RORA: variants seen among roughly 807,000 people sequenced by gnomAD.
RORA encodes RAR related orphan receptor A, also known as nuclear receptor ROR-alpha.
In RORA, 7 loss-of-function variants were observed where a neutral mutation model predicts 69.5. That is an observed-to-expected ratio of 0.10 (90% CI 0.06 to 0.19). The LOEUF is 0.19. Ranked by LOEUF, RORA falls within the 10% of genes least tolerant of loss-of-function variation. The pLI is 1.00. For synonymous variants in RORA, 261 were observed against 240.8 expected (o/e 1.08, Z -0.78); for missense variants, 457 against 663.0 (o/e 0.69, Z 3.41).
chr15:60,548,509 T>G (rs2067138192), intron 2 of RORA, among the ~76,000 whole-genome samples: 1 of 152,198 alleles, frequency 6.6e-6, no homozygotes, highest in African/African-American at 2.4e-5. Flanking sequence ...TTTGCTAAAG[T>G]CAGCCAACAA....
intron 2 of RORA, among the ~76,000 whole-genome samples, chr15:60,597,884 T>C (rs2068732700): frequency 6.6e-6 from 1 of 151,414 alleles, no homozygotes; most frequent in Non-Finnish European, 1.5e-5. Context: ...TCGGGAACAC[T>C]TTCTTCCCTT....
chr15:60,685,770 G>A (rs1042070906), intron 1 of RORA, among the ~76,000 whole-genome samples: 3 of 152,126 alleles, frequency 2.0e-5, no homozygotes, highest in Non-Finnish European at 4.4e-5. Context: ...CAGGGACCAA[G>A]GACAACACGT....
At chr15:60,621,396 A>G (rs2069403585) in intron 2 of RORA, among the ~76,000 whole-genome samples, 1 of 152,132 alleles carries the variant, frequency 6.6e-6, no homozygotes, top group African/African-American at 2.4e-5. Flanking sequence ...AATTGTTGCT[A>G]TATAACATGA....
At chr15:60,935,740 T>C (rs1009077952) in intron 1 of RORA, among the ~76,000 whole-genome samples, 14 of 152,234 alleles carry the variant, frequency 9.2e-5, no homozygotes, top group African/African-American at 3.4e-4. Flanking sequence ...CAGACTCAAA[T>C]TGGCAGCTTC....
At chr15:60,539,144 T>G (rs1026114008) in intron 2 of RORA, among the ~76,000 whole-genome samples, 41 of 151,978 alleles carry the variant, frequency 2.7e-4, no homozygotes, top group Non-Finnish European at 4.6e-4. Context: ...TGTGTAAGAG[T>G]TAAAATACTG....
At chr15:60,758,761 G>GT (rs1362111502) in intron 1 of RORA, among the ~76,000 whole-genome samples, 1 of 152,166 alleles carries the variant, frequency 6.6e-6, no homozygotes, top group Non-Finnish European at 1.5e-5. Flanking sequence ...TCCCTGCAAA[G>GT]TCATCCTCAA....
intron 1 of RORA, among the ~76,000 whole-genome samples, chr15:61,211,190 G>C (rs553913905): frequency 6.6e-6 from 1 of 152,210 alleles, no homozygotes; most frequent in East Asian, 1.9e-4. Flanking sequence ...TTAACAAAAG[G>C]GGACTGTTTG....
chr15:60,812,237 C>G (rs2072754576), intron 1 of RORA, among the ~76,000 whole-genome samples: 1 of 152,170 alleles, frequency 6.6e-6, no homozygotes, highest in Admixed American at 6.5e-5. Flanking sequence ...GGTGCGGTGC[C>G]TCACACCTGT....
At chr15:60,701,191 T>G (rs376774271) in intron 1 of RORA, among the ~76,000 whole-genome samples, 1 of 152,238 alleles carries the variant, frequency 6.6e-6, no homozygotes, top group African/African-American at 2.4e-5. Context: ...GGACAATATC[T>G]TTTATCTCTT....
chr15:61,194,435 T>C (rs1037453080), intron 1 of RORA, among the ~76,000 whole-genome samples: 11 of 151,698 alleles, frequency 7.3e-5, no homozygotes, highest in Non-Finnish European at 1.2e-4. Flanking sequence ...TGGTGGTGCA[T>C]GCCTGTAATC....
At chr15:61,217,232 C>T (rs766293004) in intron 1 of RORA, among the ~76,000 whole-genome samples, 6 of 152,150 alleles carry the variant, frequency 3.9e-5, no homozygotes, top group African/African-American at 1.2e-4. Flanking sequence ...AAACTGTGGT[C>T]TTGATCTCCT....
chr15:60,540,574 C>CCCCACCCCCCCG (rs1555428642), intron 2 of RORA, among the ~76,000 whole-genome samples: 1 of 102,646 alleles, frequency 9.7e-6, no homozygotes, highest in Non-Finnish European at 1.9e-5. Flanking sequence ...ACCCCCCCCC[C>CCCCACCCCCCCG]CCAAAACTGT....
intron 1 of RORA, among the ~76,000 whole-genome samples, chr15:61,174,326 C>T (rs2140896646): frequency 6.6e-6 from 1 of 152,308 alleles, no homozygotes; most frequent in South Asian, 2.1e-4. Flanking sequence ...ACCCAGTAAG[C>T]TCTTTAAGAG....
intron 2 of RORA, among the ~76,000 whole-genome samples, chr15:60,557,593 T>G (rs1229507880): frequency 6.6e-6 from 1 of 152,216 alleles, no homozygotes; most frequent in Non-Finnish European, 1.5e-5. Flanking sequence ...GGTCCTCCAG[T>G]TGGTCAAGTC....
intron 1 of RORA, among the ~76,000 whole-genome samples, chr15:60,861,613 C>A (rs562550183): frequency 1.8e-4 from 28 of 152,290 alleles, no homozygotes; most frequent in African/African-American, 6.0e-4. Context: ...CTTAGCCTCA[C>A]GAGTACCTGA....
chr15:61,116,166 T>G (rs72739541), intron 1 of RORA, among the ~76,000 whole-genome samples: 4 of 152,254 alleles, frequency 2.6e-5, no homozygotes, highest in Non-Finnish European at 4.4e-5. Context: ...GCAGGGAGAC[T>G]AGCTATGAAA....
At chr15:60,976,896 C>T (rs759128536) in intron 1 of RORA, among the ~76,000 whole-genome samples, 12 of 152,114 alleles carry the variant, frequency 7.9e-5, no homozygotes, top group South Asian at 2.1e-4. Context: ...AATCCTCGCT[C>T]GCACACCAAG....
In RORA at chr15:61,178,705, A is replaced by G. The variant is rs551365409; in HGVS notation, c.166+50348T>C. On this transcript the variant is annotated intron_variant, in intron 1 of 10. Transcript: ENST00000335670. ...AACAAAAAATCATGCAATTCTTTCA[A>G]TATATACACAAATACTAAAAAGGAA... Among the ~76,000 whole-genome samples, 6 of 152,324 alleles carry G rather than the reference A, an allele frequency of 3.9e-5. No homozygotes were observed. The East Asian group carries it at 1.2e-3, about 29-fold the overall frequency.
At chr15:60,536,124 C>T (rs1014961372) in intron 2 of RORA, among the ~76,000 whole-genome samples, 5 of 152,158 alleles carry the variant, frequency 3.3e-5, no homozygotes, top group East Asian at 1.9e-4. Flanking sequence ...CCAATGTCAA[C>T]GTTTGACAGT....
Sources: gnomAD v4.1 joint callset for allele counts (sites outside exome capture counted in the v4.1 genomes callset) on GRCh38, gnomAD v4.1.1 for gene constraint, MANE v1.5 for transcripts, NCBI Gene and HGNC (gene_info 2026-07-23, HGNC 2026-07-21) for gene names.